KPNA1: variants seen among roughly 807,000 people sequenced by gnomAD.
KPNA1 encodes the protein karyopherin subunit alpha 1.
Under a neutral mutation model 70.5 loss-of-function variants are expected in KPNA1, and 10 were observed. That is an observed-to-expected ratio of 0.14 (90% confidence interval 0.09 to 0.24). The LOEUF (loss-of-function observed/expected upper bound fraction) is 0.24. KPNA1 is among the 10% of genes least tolerant of loss of function. The probability of loss-of-function intolerance (pLI) is 1.00; values close to 1 mark genes in which losing one functional copy is unlikely to be tolerated. For missense variants in KPNA1, 397 were observed against 637.9 expected, an observed-to-expected ratio of 0.62 and a Z score of 4.07; for synonymous variants, 192 against 221.9, an observed-to-expected ratio of 0.87 and a Z score of 1.20.
intron 10 of KPNA1, among the ~76,000 whole-genome samples, chr3:122,439,439 C>G (rs891524127): frequency 2.6e-5 from 4 of 152,096 alleles, no homozygotes; most frequent in African/African-American, 9.7e-5. Context: ...ATTCTCTCAC[C>G]TCAGCCTCTC....
At chr3:122,463,205 G>A (rs2076343843) in intron 4 of KPNA1, among the ~76,000 whole-genome samples, 1 of 152,092 alleles carries the variant, frequency 6.6e-6, no homozygotes, top group African/African-American at 2.4e-5. Context: ...AAAATTAGCT[G>A]GGCACGGTGG....
chr3:122,474,455 A>G (rs887218161), intron 2 of KPNA1, among the ~76,000 whole-genome samples: 3 of 152,202 alleles, frequency 2.0e-5, no homozygotes, highest in Non-Finnish European at 4.4e-5. Flanking sequence ...TAAGCAAGAC[A>G]GCATGGTATT....
At position 122,430,559 on chromosome 3, in the gene KPNA1, CTG is replaced by C. The variant is rs113921259; in HGVS notation, c.1251-2845_1251-2844del. ...GTGTGTGTGTGGTTTCTCAAATAAA[CTG>C]TGTGTGTGTGTGTGTGTGTGGTTTC... On this transcript the variant is annotated intron_variant, in intron 12 of 13. Transcript: ENST00000344337. 8.2e-3 allele frequency among the ~76,000 whole-genome samples: 1,184 copies of C among 144,946 alleles called. 11 individuals are homozygous for C. The highest frequency in any genetic ancestry group is 0.015 in the Admixed American group (220 of 14,380).
At chr3:122,441,493 A>T (rs1193264678) in intron 10 of KPNA1, among the ~76,000 whole-genome samples, 1 of 152,212 alleles carries the variant, frequency 6.6e-6, no homozygotes, top group Non-Finnish European at 1.5e-5. Flanking sequence ...AAGAAAAACA[A>T]ATCTGCCTGA....
chr3:122,488,539 A>T (rs758057082), intron 2 of KPNA1, among the ~76,000 whole-genome samples: 3 of 152,220 alleles, frequency 2.0e-5, no homozygotes, highest in Non-Finnish European at 4.4e-5. Context: ...AGAAAAAAAG[A>T]ATCTTTATTC....
chr3:122,438,245 C>A (rs1352078146), intron 10 of KPNA1, among the ~76,000 whole-genome samples: 1 of 152,222 alleles, frequency 6.6e-6, no homozygotes, highest in Non-Finnish European at 1.5e-5. Context: ...CCTGCTTTCT[C>A]TTCACCTTCC....
At position 122,467,370 on chromosome 3, in the gene KPNA1, T is replaced by C; in HGVS notation, c.189A>G (p.Ser63=). ...AEEETEEEVM[S]DGGFHEAQIS... Reference sequence around the variant, plus strand: ...TCTGAGCCTCATGAAAGCCTCCATCTGACATAACTTCTTCTTCTGTTTCTT... The same window carrying C: ...TCTGAGCCTCATGAAAGCCTCCATCCGACATAACTTCTTCTTCTGTTTCTT... The change falls in exon 3 of 14, where the codon TCA becomes TCG. Residue 63 remains serine, a synonymous_variant. Coordinates refer to ENST00000344337, the MANE Select transcript of KPNA1 (RefSeq NM_002264.4). The C allele has an allele frequency of 6.2e-7, 1 of 1,610,436 alleles. No homozygotes were observed.
intron 5 of KPNA1, among the ~76,000 whole-genome samples, chr3:122,457,137 TG>T (rs1270054490): frequency 2.6e-5 from 4 of 152,196 alleles, no homozygotes; most frequent in African/African-American, 4.8e-5. Context: ...AAAAATTAGA[TG>T]TACTTTAAAC....
At chr3:122,486,667 A>G (rs1433437384) in intron 2 of KPNA1, among the ~76,000 whole-genome samples, 1 of 151,788 alleles carries the variant, frequency 6.6e-6, no homozygotes, top group African/African-American at 2.4e-5. Context: ...AGCTCACTGC[A>G]AGCTCCACCT....
At chr3:122,427,263 A>C (rs1384079172) in intron 13 of KPNA1, 91 bp from the exon 14 acceptor site, 2 of 953,042 alleles carry the variant, frequency 2.1e-6, no homozygotes, top group Non-Finnish European at 3.1e-6. Flanking sequence ...ATATTTTGTC[A>C]TATATCTCTG....
Position 122,496,477 on chromosome 3 carries a change from T to C in KPNA1, c.89A>G (p.Glu30Gly), listed in dbSNP as rs1392446808. ...NPDEMRRRRE[E>G]EGLQLRKQKR... The stretch of plus-strand genomic sequence containing the variant: ...CTGCTTTCGTAACTGCAGTCCTTCT[T>C]CCTCCCTCCTCCTGCGCATCTCATC... Residue 30 changes from glutamate to glycine, a missense_variant, in exon 2 of 14, where the codon GAA becomes GGA. By Grantham distance (98) the Glu-to-Gly change is moderately conservative. Coordinates refer to ENST00000344337, the MANE Select transcript of KPNA1 (RefSeq NM_002264.4). 1.2e-6 allele frequency: 2 copies of C among 1,613,956 alleles called. No homozygotes were observed. Among genetic ancestry groups the C allele is most frequent in the Non-Finnish European group, 1.7e-6 (2 of 1,179,846 alleles).
intron 1 of KPNA1, among the ~76,000 whole-genome samples, chr3:122,508,401 G>A (rs1024053485): frequency 1.3e-5 from 2 of 152,162 alleles, no homozygotes; most frequent in Non-Finnish European, 2.9e-5. Context: ...CTCAAAATCA[G>A]AAGGTTTGTT....
At chr3:122,443,565 G>C (rs909769265) in intron 9 of KPNA1, among the ~76,000 whole-genome samples, 6 of 152,118 alleles carry the variant, frequency 3.9e-5, no homozygotes, top group African/African-American at 1.2e-4. Context: ...TTTCAATGTA[G>C]GTTCTTTTCT....
At chr3:122,434,531 G>A (rs1002323660) in intron 11 of KPNA1, among the ~76,000 whole-genome samples, 5 of 152,126 alleles carry the variant, frequency 3.3e-5, no homozygotes, top group African/African-American at 4.8e-5. Context: ...CACATCATCT[G>A]CCCGCTATAT....
intron 12 of KPNA1, among the ~76,000 whole-genome samples, chr3:122,431,400 G>C (rs1047187940): frequency 1.3e-5 from 2 of 152,080 alleles, no homozygotes; most frequent in African/African-American, 4.8e-5. Flanking sequence ...CAAGTGATTT[G>C]CTTGCCTTGT....
At chr3:122,467,261 A>G in intron 3 of KPNA1, 61 bp downstream of exon 3, 1 of 928,848 alleles carries the variant, frequency 1.1e-6, no homozygotes, top group Non-Finnish European at 1.6e-6. Flanking sequence ...TTAAAACTCA[A>G]AAGGAAATCT....
chr3:122,485,858 A>C (rs2076623722), intron 2 of KPNA1, among the ~76,000 whole-genome samples: 1 of 152,250 alleles, frequency 6.6e-6, no homozygotes, highest in Non-Finnish European at 1.5e-5. Flanking sequence ...AATTAAAAAT[A>C]AACTTTTTTA....
intron 8 of KPNA1, 79 bp from the exon 9 acceptor site, chr3:122,449,816 A>AG: frequency 2.5e-6 from 3 of 1,186,446 alleles, no homozygotes; most frequent in Non-Finnish European, 3.6e-6. Context: ...GAAGGCAACC[A>AG]GGCATGTACT....
chr3:122,444,117 T>A (rs2076102674), intron 9 of KPNA1, among the ~76,000 whole-genome samples: 1 of 152,214 alleles, frequency 6.6e-6, no homozygotes, highest in African/African-American at 2.4e-5. Flanking sequence ...TGTTCCTTGC[T>A]GAGAAAAAGA....
Sources: gnomAD v4.1 joint callset for allele counts (sites outside exome capture counted in the v4.1 genomes callset) on GRCh38, gnomAD v4.1.1 for gene constraint, MANE v1.5 for transcripts, NCBI Gene and HGNC (gene_info 2026-07-23, HGNC 2026-07-21) for gene names.